The following LRP1B variants were observed in gnomAD, a reference collection of about 807,000 sequenced individuals.
The protein encoded by LRP1B is low-density lipoprotein receptor-related protein 1B.
A neutral mutation model predicts 556.6 loss-of-function variants in LRP1B; 217 were observed. The observed-to-expected ratio is 0.39, with a 90% CI of 0.35 to 0.44. LRP1B has a LOEUF of 0.44. LRP1B is among the 20% of genes least tolerant of loss of function. The probability of loss-of-function intolerance (pLI) is 1.00; values close to 1 mark genes in which losing one functional copy is unlikely to be tolerated. For synonymous variants in LRP1B, 2,047 were observed against 1,865.8 expected (o/e 1.10, Z -2.50); for missense variants, 5,053 against 5,620.8 (o/e 0.90, Z 3.23).
At chr2:141,059,604 C>A (rs1525581) in intron 8 of LRP1B, among the ~76,000 whole-genome samples, 72,747 of 151,618 alleles carry the variant, frequency 0.48, 18,658 homozygotes, top group Non-Finnish European at 0.58. Context: ...CACATATTTG[C>A]AATCATTGTA....
chr2:140,410,885 A>C (rs1455413012), intron 66 of LRP1B, among the ~76,000 whole-genome samples: 2 of 152,092 alleles, frequency 1.3e-5, no homozygotes, highest in Admixed American at 6.6e-5. Flanking sequence ...GGTTGCAAGC[A>C]TTGTCACAGG....
rs75730626 is a variant in LRP1B, at chr2:141,322,895, A to G, written c.344-68254T>C. The stretch of plus-strand genomic sequence containing the variant: ...GTAGAGCAGGAGTTTTGAGATACGA[A>G]TATCCAAGATTAAAATTGCAGTCCT... On this transcript the variant is annotated intron_variant, in intron 3 of 90. Coordinates refer to ENST00000389484, the MANE Select transcript of LRP1B (RefSeq NM_018557.3). 4.9e-3 allele frequency among the ~76,000 whole-genome samples: 748 copies of G among 152,162 alleles called. 4 individuals carry two copies. Among genetic ancestry groups the G allele is most frequent in the African/African-American group, 0.016 (646 of 41,542 alleles).
intron 3 of LRP1B, among the ~76,000 whole-genome samples, chr2:141,434,204 C>A (rs12104583): frequency 0.25 from 37,385 of 152,044 alleles, 4,747 homozygotes; most frequent in South Asian, 0.36. Flanking sequence ...TTTGCCTCAC[C>A]TTCTGCTATT....
intron 16 of LRP1B, among the ~76,000 whole-genome samples, chr2:140,990,147 C>T (rs1697049587): frequency 1.3e-5 from 2 of 151,922 alleles, no homozygotes; most frequent in Non-Finnish European, 2.9e-5. Context: ...GCGGAGGTTG[C>T]AGTGAGCTGA....
At chr2:140,424,530 C>G (rs1573921959) in intron 66 of LRP1B, among the ~76,000 whole-genome samples, 1 of 152,124 alleles carries the variant, frequency 6.6e-6, no homozygotes, top group East Asian at 1.9e-4. Context: ...AGAAAAGTTA[C>G]AGACATTTTT....
chr2:141,888,759 T>C (rs1282140648), intron 1 of LRP1B, among the ~76,000 whole-genome samples: 5 of 152,072 alleles, frequency 3.3e-5, no homozygotes, highest in African/African-American at 7.2e-5. Flanking sequence ...ATGACAGTGC[T>C]CGGGAAGTTA....
intron 31 of LRP1B, among the ~76,000 whole-genome samples, chr2:140,828,682 C>T (rs530189077): frequency 0.013 from 154 of 11,938 alleles, 25 homozygotes; most frequent in South Asian, 0.054. Flanking sequence ...CCCAGCTACT[C>T]AGGAGGCTGA....
chr2:141,666,637 A>G (rs1238226309), intron 2 of LRP1B, among the ~76,000 whole-genome samples: 2 of 152,196 alleles, frequency 1.3e-5, no homozygotes, highest in Admixed American at 6.5e-5. Context: ...GTCTCAGGGA[A>G]TGGTCCAGAT....
intron 2 of LRP1B, among the ~76,000 whole-genome samples, chr2:141,781,310 G>T (rs1425633469): frequency 6.6e-6 from 1 of 152,088 alleles, no homozygotes; most frequent in Non-Finnish European, 1.5e-5. Flanking sequence ...TAGTTAAAAT[G>T]ATGTCAAAAT....
intron 2 of LRP1B, among the ~76,000 whole-genome samples, chr2:141,601,543 A>G (rs770536537): frequency 1.7e-4 from 26 of 152,038 alleles, no homozygotes; most frequent in Admixed American, 3.9e-4. Flanking sequence ...ACCTTTTAAT[A>G]CTTGCCACTT....
chr2:141,632,072 C>T (rs1406511450), intron 2 of LRP1B, among the ~76,000 whole-genome samples: 3 of 151,924 alleles, frequency 2.0e-5, no homozygotes, highest in Non-Finnish European at 4.4e-5. Context: ...CACAGGTATA[C>T]ATAACCATAC....
At chr2:141,398,407 ATATT>A (rs1283387878) in intron 3 of LRP1B, among the ~76,000 whole-genome samples, 1 of 152,208 alleles carries the variant, frequency 6.6e-6, no homozygotes, top group Non-Finnish European at 1.5e-5. Flanking sequence ...ATATATGGAA[ATATT>A]TATCTATTGC....
At chr2:141,374,454 C>G (rs1226106225) in intron 3 of LRP1B, among the ~76,000 whole-genome samples, 2 of 152,102 alleles carry the variant, frequency 1.3e-5, no homozygotes, top group Non-Finnish European at 2.9e-5. Flanking sequence ...ATTGATTATT[C>G]CCTTAAATAG....
intron 2 of LRP1B, among the ~76,000 whole-genome samples, chr2:141,589,963 C>G (rs1465572819): frequency 6.6e-6 from 1 of 152,180 alleles, no homozygotes; most frequent in African/African-American, 2.4e-5. Flanking sequence ...AGCCACTAAA[C>G]TGCACAAGTT....
intron 3 of LRP1B, among the ~76,000 whole-genome samples, chr2:141,303,257 G>C (rs1430497916): frequency 1.3e-5 from 2 of 152,066 alleles, no homozygotes; most frequent in African/African-American, 4.8e-5. Flanking sequence ...ATCACCTTGA[G>C]TACCTATCAT....
At chr2:140,265,519 T>G (rs1339077363) in intron 86 of LRP1B, among the ~76,000 whole-genome samples, 1 of 152,082 alleles carries the variant, frequency 6.6e-6, no homozygotes, top group East Asian at 1.9e-4. Flanking sequence ...ATAACATTTC[T>G]ATGTGGAAAA....
chr2:141,499,552 T>A (rs1284582148), intron 2 of LRP1B, among the ~76,000 whole-genome samples: 1 of 152,034 alleles, frequency 6.6e-6, no homozygotes, highest in African/African-American at 2.4e-5. Context: ...GAAGGTTCTT[T>A]ATGTTCCTAT....
chr2:141,695,405 A>T (rs1574252372), intron 2 of LRP1B, among the ~76,000 whole-genome samples: 1 of 152,162 alleles, frequency 6.6e-6, no homozygotes, highest in Non-Finnish European at 1.5e-5. Context: ...AAATTGCCTA[A>T]TAGTGATAAT....
intron 41 of LRP1B, among the ~76,000 whole-genome samples, chr2:140,631,604 G>A (rs1313129766): frequency 6.6e-6 from 1 of 152,100 alleles, no homozygotes; most frequent in East Asian, 1.9e-4. Context: ...AACTTCTCGA[G>A]CTAAAATGCA....
Sources: allele counts gnomAD v4.1 joint callset (sites outside exome capture counted in the v4.1 genomes callset), GRCh38; gene constraint gnomAD v4.1.1; transcripts MANE v1.5; gene names NCBI Gene and HGNC (gene_info 2026-07-23, HGNC 2026-07-21).